The following ZNF496 variants were observed in gnomAD, a reference collection of about 807,000 sequenced individuals.
The protein encoded by ZNF496 is zinc finger protein 496.
ZNF496 carries 11 observed loss-of-function variants against 58.9 expected under a neutral mutation model. The ratio of observed to expected loss-of-function variants is 0.19; its 90% CI spans 0.12 to 0.31. The LOEUF (loss-of-function observed/expected upper bound fraction) is 0.31. Among genes scored for constraint, ZNF496 ranks in the 10% least tolerant of loss-of-function variants. ZNF496 has a pLI of 1.00. For synonymous variants in ZNF496, 338 were observed against 318.2 expected, an observed-to-expected ratio of 1.06 and a Z score of -0.66; for missense variants, 660 against 783.0, an observed-to-expected ratio of 0.84 and a Z score of 1.88.
At chr1:247,320,248 G>A (rs1659917449) in intron 6 of ZNF496, among the ~76,000 whole-genome samples, 1 of 152,170 alleles carries the variant, frequency 6.6e-6, no homozygotes, top group African/African-American at 2.4e-5. Context: ...ACCAGTGAAT[G>A]GTTAAACGAA....
At position 247,309,506 on chromosome 1, in the gene ZNF496, G is replaced by A; in HGVS notation, c.892+193C>T. 4.2e-6 allele frequency: 6 copies of A among 1,413,758 alleles called. No homozygotes were observed. The highest frequency in any genetic ancestry group is 2.6e-4 in the Middle Eastern group (1 of 3,818). The allele number at this position is 1,413,758 out of a possible 1,614,324, so 87.6% of individuals were successfully genotyped here. On this transcript the variant is annotated intron_variant, in intron 8 of 9. Coordinates refer to ENST00000682384, the MANE Select transcript of ZNF496 (RefSeq NM_032752.3). The surrounding 1 kb of genome is among the most constrained non-coding windows in gnomAD (Gnocchi z 4.3). ...CCAAGGGAGTACAATTCCAATGCCT[G>A]GCAAAATTAAGATCCTCCATTCTTT...
rs1326018871 is a variant in ZNF496 at position 247,329,407 on chromosome 1, C to T, written c.172G>A (p.Glu58Lys). ...FRYQEAAGPR[E>K]ALQRLWDLCG... Reference sequence around the variant, plus strand: ...AGGTCCCAGAGGCGCTGCAGGGCCTCCCGGGGGCCCGCCGCCTCCTGGTAG... The same window carrying T: ...AGGTCCCAGAGGCGCTGCAGGGCCTTCCGGGGGCCCGCCGCCTCCTGGTAG... Residue 58 changes from glutamate to lysine, a missense_variant, in exon 4 of 10, where the codon GAG (glutamate) becomes AAG (lysine). Glu to Lys is a moderately conservative substitution (Grantham distance 56). Coordinates refer to ENST00000682384, the MANE Select transcript of ZNF496 (RefSeq NM_032752.3). The surrounding 1 kb of genome is among the most constrained non-coding windows in gnomAD (Gnocchi z 5.5). 1 of 1,612,954 alleles carries T rather than the reference C, an allele frequency of 6.2e-7. No homozygotes were observed. The highest frequency in any genetic ancestry group is 2.2e-5 in the East Asian group (1 of 44,874).
chr1:247,314,015 C>T lies in ZNF496; in HGVS notation c.652-3559G>A, dbSNP rs368998040. ...GAGATTTTTTTCATAAACTTTGAAT[C>T]ATGGACCATGGGAATGTGTCAAAAA... On this transcript the variant is annotated intron_variant, in intron 6 of 9. Coordinates refer to ENST00000682384, the MANE Select transcript of ZNF496 (RefSeq NM_032752.3). Among the ~76,000 whole-genome samples, 285 of 152,228 alleles carry T rather than the reference C, an allele frequency of 1.9e-3. 7 individuals carry two copies. In the South Asian group the frequency reaches 0.043, roughly 23 times the overall value.
chr1:247,329,582 G>C lies in ZNF496; in HGVS notation c.-4C>G. 1 of 1,539,680 alleles carries C rather than the reference G, an allele frequency of 6.5e-7. No homozygotes were observed. Among genetic ancestry groups the C allele is most frequent in the Non-Finnish European group, 8.7e-7 (1 of 1,149,152 alleles). ...GGGGGCACAGGGCTGTGGGCATGAT[G>C]GGATTTGATGGGGGTCAGCAGCAGA... On this transcript the variant is annotated 5_prime_UTR_variant, in exon 4 of 10. Transcript: ENST00000682384. This position sits in a 1 kb window ranked among gnomAD's most constrained non-coding sequence, Gnocchi z 5.5.
In ZNF496 at chr1:247,300,648, G is replaced by C; in HGVS notation, c.1635C>G (p.His545Gln). The C allele has an allele frequency of 6.2e-7, 1 of 1,614,162 alleles. No individual in the cohort carries two copies. Among genetic ancestry groups the C allele is most frequent in the Non-Finnish European group, 8.5e-7 (1 of 1,180,042 alleles). ...DHLARHRSHFHLKDKARPFQC... is the reference protein window; with the variant it reads ...DHLARHRSHFQLKDKARPFQC... The stretch of plus-strand genomic sequence containing the variant: ...GGAAGGGCCGGGCTTTGTCCTTCAG[G>C]TGAAAGTGGCTGCGGTGCCGAGCCA... Residue 545 changes from histidine to glutamine, a missense_variant, in exon 10 of 10, where the codon CAC (histidine) becomes CAG (glutamine). Physicochemically the swap from His to Gln is conservative, Grantham distance 24. Coordinates refer to ENST00000682384, the MANE Select transcript of ZNF496 (RefSeq NM_032752.3). This position sits in a 1 kb window ranked among gnomAD's most constrained non-coding sequence, Gnocchi z 5.7.
At position 247,316,173 on chromosome 1, in the gene ZNF496, CACG is replaced by C. The variant is rs1395274228; in HGVS notation, c.652-5720_652-5718del. Among the ~76,000 whole-genome samples the C allele has an allele frequency of 5.7e-5, 4 of 70,222 alleles. No homozygotes were observed. The East Asian group carries it at 1.4e-3, about 25-fold the overall frequency. 46.1% of individuals were successfully genotyped at this position (70,222 alleles called of 152,430 possible). On this transcript the variant is annotated intron_variant, in intron 6 of 9. Transcript: ENST00000682384. The stretch of plus-strand genomic sequence containing the variant: ...GTGTGTGTGTGTGTGTGTGTGTGTG[CACG>C]ACTTCCTGGGAGGGGTGTGTGTGTG...
At chr1:247,318,634 G>A (rs1659861286) in intron 6 of ZNF496, among the ~76,000 whole-genome samples, 1 of 151,844 alleles carries the variant, frequency 6.6e-6, no homozygotes, top group Non-Finnish European at 1.5e-5. Context: ...TCTTTCATCT[G>A]GTGAAAACAT....
chr1:247,301,328 C>A (rs1474245627), intron 9 of ZNF496, 52 bp from the exon 10 acceptor site: 3 of 1,482,336 alleles, frequency 2.0e-6, no homozygotes, highest in Admixed American at 2.3e-5. Flanking sequence ...CACATCCCAG[C>A]CCCTATGACC....
chr1:247,316,135 G>GGTGGGTGTGT, intron 6 of ZNF496, among the ~76,000 whole-genome samples: 1 of 139,926 alleles, frequency 7.1e-6, no homozygotes, highest in African/African-American at 2.7e-5. Context: ...CTGGGAGAGG[G>GGTGGGTGTGT]GTGTGTGTGT....
chr1:247,327,141 T>G (rs971991700), intron 5 of ZNF496, among the ~76,000 whole-genome samples: 1 of 152,184 alleles, frequency 6.6e-6, no homozygotes, highest in African/African-American at 2.4e-5. Flanking sequence ...CTCAGCTCAC[T>G]GCAATCTCCG....
intron 6 of ZNF496, among the ~76,000 whole-genome samples, chr1:247,320,243 T>C (rs893210081): frequency 1.3e-5 from 2 of 152,168 alleles, no homozygotes; most frequent in African/African-American, 4.8e-5. Context: ...CCTCAACCAG[T>C]GAATGGTTAA....
At chr1:247,314,984 C>T (rs12035515) in intron 6 of ZNF496, among the ~76,000 whole-genome samples, 34,630 of 149,842 alleles carry the variant, frequency 0.23, 4,289 homozygotes, top group East Asian at 0.45. Flanking sequence ...CTCCTGAGCT[C>T]AAGTGATTCA....
At chr1:247,324,401 T>C (rs1482182392) in intron 5 of ZNF496, among the ~76,000 whole-genome samples, 1 of 152,208 alleles carries the variant, frequency 6.6e-6, no homozygotes, top group Non-Finnish European at 1.5e-5. Context: ...TTGCACAACA[T>C]GGTGACTATA....
At chr1:247,326,075 CACACACACATATAT>C (rs1167406392) in intron 5 of ZNF496, among the ~76,000 whole-genome samples, 2 of 148,538 alleles carry the variant, frequency 1.3e-5, no homozygotes, top group African/African-American at 2.5e-5. Context: ...TATATACACA[CACACACACATATAT>C]ACACACACAT....
intron 6 of ZNF496, among the ~76,000 whole-genome samples, chr1:247,316,625 T>C (rs1659789740): frequency 6.6e-6 from 1 of 152,190 alleles, no homozygotes; most frequent in Non-Finnish European, 1.5e-5. Flanking sequence ...TCAGCCTCCA[T>C]AAATATGAGA....
chr1:247,310,689 A>G (rs1384258772), intron 6 of ZNF496: 3 of 512,902 alleles, frequency 5.8e-6, no homozygotes, highest in African/African-American at 3.8e-5. Context: ...GTGTCCTTAC[A>G]TGATGGAGAG....
At chr1:247,322,644 G>T in intron 6 of ZNF496, 1 of 1,180,728 alleles carries the variant, frequency 8.5e-7, no homozygotes, top group Non-Finnish European at 1.1e-6. Flanking sequence ...GAGTAAGCAA[G>T]TCTTACACAA....
chr1:247,330,769 G>A (rs1285880674), intron 2 of ZNF496, among the ~76,000 whole-genome samples: 1 of 152,236 alleles, frequency 6.6e-6, no homozygotes, highest in Non-Finnish European at 1.5e-5. Flanking sequence ...GCGTGGCCGC[G>A]TCTTAACCTC....
rs1311786672 is a variant in ZNF496 at position 247,308,529 on chromosome 1, C to T, written c.952G>A (p.Val318Met). Residue 318 changes from valine (V) to methionine (M), a missense_variant, in exon 9 of 10, where the codon GTG becomes ATG. By Grantham distance (21) the Val-to-Met change is conservative. Coordinates refer to ENST00000682384, the MANE Select transcript of ZNF496 (RefSeq NM_032752.3). This position sits in a 1 kb window ranked among gnomAD's most constrained non-coding sequence, Gnocchi z 4.5. ...EERRKREELQ[V>M]PEFQACPQTV... ...TGTGGGCAGGCCTGGAACTCTGGCACCTGCAGCTCCTCACGTTTCCTTCTT... is the reference window on the plus strand; with the variant it reads ...TGTGGGCAGGCCTGGAACTCTGGCATCTGCAGCTCCTCACGTTTCCTTCTT... The T allele has an allele frequency of 6.2e-7, 1 of 1,614,156 alleles. No individual in the cohort carries two copies. The highest frequency in any genetic ancestry group is 1.1e-5 in the South Asian group (1 of 91,086).
Sources: gnomAD v4.1 joint callset for allele counts (sites outside exome capture counted in the v4.1 genomes callset) on GRCh38, gnomAD v4.1.1 for gene constraint, Gnocchi (gnomAD v3.1) non-coding constraint, MANE v1.5 for transcripts, NCBI Gene and HGNC (gene_info 2026-07-23, HGNC 2026-07-21) for gene names.